Variants in DLGAP1 observed in about 807,000 individuals in gnomAD.
DLGAP1 encodes the protein DLG associated protein 1.
Under a neutral mutation model 90.8 loss-of-function variants are expected in DLGAP1, and 11 were observed. The observed-to-expected ratio is 0.12, with a 90% CI of 0.08 to 0.20. The LOEUF (loss-of-function observed/expected upper bound fraction) is 0.20. DLGAP1 is among the 10% of genes least tolerant of loss of function. The pLI is 1.00. For synonymous variants in DLGAP1, 558 were observed against 540.7 expected, an observed-to-expected ratio of 1.03 and a Z score of -0.44; for missense variants, 1,050 against 1,333.8, an observed-to-expected ratio of 0.79 and a Z score of 3.31.
chr18:4,091,101 G>T (rs974674914), intron 2 of DLGAP1, among the ~76,000 whole-genome samples: 1 of 152,166 alleles, frequency 6.6e-6, no homozygotes, highest in Non-Finnish European at 1.5e-5. Context: ...GTTGGGGTGG[G>T]GGTAGGGAGA....
rs1273478048 is a variant in DLGAP1, at chr18:3,498,009, G to A, written c.*1176C>T. 1 of 152,188 alleles carries A rather than the reference G, an allele frequency of 6.6e-6. No homozygotes were observed. The highest frequency in any genetic ancestry group is 2.4e-5 in the African/African-American group (1 of 41,426). The allele number at this position is 152,188 out of a possible 1,614,324, so 9.4% of individuals were successfully genotyped here. ...TGACACAGGACAGAATCCTATGCTA[G>A]GTATTACTGGACTCTGCAGTAGTGA... On this transcript the variant is annotated 3_prime_UTR_variant, in exon 13 of 13. Coordinates refer to ENST00000315677, the MANE Select transcript of DLGAP1 (RefSeq NM_004746.4).
intron 3 of DLGAP1, among the ~76,000 whole-genome samples, chr18:3,914,290 G>C (rs969350027): frequency 2.6e-5 from 4 of 152,158 alleles, no homozygotes; most frequent in African/African-American, 7.2e-5. Context: ...CCACATCTAA[G>C]TGAGGTCGTG....
rs2055563379 is a variant in DLGAP1, at chr18:3,582,219, T to C, written c.1621A>G (p.Thr541Ala). Residue 541 changes from threonine to alanine, a missense_variant, in exon 8 of 13, where the codon ACA becomes GCA. Physicochemically the swap from Thr to Ala is moderately conservative, Grantham distance 58. Coordinates refer to ENST00000315677, the MANE Select transcript of DLGAP1 (RefSeq NM_004746.4). ...GTTCTGGGTGGGACTGGAGGTGGTG[T>C]CTTCTTATATGTTGTAATGCAAGAT... ...VSSCITTYKKTPPPVPPRTTT... is the reference protein window; with the variant it reads ...VSSCITTYKKAPPPVPPRTTT... The C allele has an allele frequency of 6.2e-7, 1 of 1,613,834 alleles. No homozygotes were observed. The highest frequency in any genetic ancestry group is 1.7e-5 in the Admixed American group (1 of 59,966).
At chr18:3,716,879 A>G (rs927031010) in intron 7 of DLGAP1, among the ~76,000 whole-genome samples, 1 of 151,944 alleles carries the variant, frequency 6.6e-6, no homozygotes, top group African/African-American at 2.4e-5. Context: ...CTTTAATCCC[A>G]GCACTTTGGG....
chr18:4,283,860 C>G (rs1429044171), intron 1 of DLGAP1, among the ~76,000 whole-genome samples: 2 of 152,132 alleles, frequency 1.3e-5, no homozygotes, highest in Non-Finnish European at 2.9e-5. Flanking sequence ...ACAGCTATAT[C>G]CAAACTGGCG....
chr18:3,716,056 T>C (rs917589341), intron 7 of DLGAP1, among the ~76,000 whole-genome samples: 3 of 152,198 alleles, frequency 2.0e-5, no homozygotes, highest in Non-Finnish European at 4.4e-5. Flanking sequence ...GTTATATACT[T>C]AGATAAATAA....
chr18:4,039,138 AT>A (rs770462125), intron 2 of DLGAP1, among the ~76,000 whole-genome samples: 5 of 152,186 alleles, frequency 3.3e-5, no homozygotes, highest in African/African-American at 7.2e-5. Flanking sequence ...TTTTAGAAAT[AT>A]TTTTTTCATA....
intron 3 of DLGAP1, among the ~76,000 whole-genome samples, chr18:3,913,769 C>T (rs1474596554): frequency 6.6e-6 from 1 of 152,194 alleles, no homozygotes; most frequent in Non-Finnish European, 1.5e-5. Context: ...ATGATGTCTT[C>T]TCCCTAATCT....
At chr18:3,745,998 C>T (rs576253320) in intron 5 of DLGAP1, among the ~76,000 whole-genome samples, 2 of 152,062 alleles carry the variant, frequency 1.3e-5, no homozygotes, top group Non-Finnish European at 2.9e-5. Context: ...CTCAGCTATA[C>T]TTTATAGCTG....
At chr18:3,787,164 G>T (rs1347662379) in intron 5 of DLGAP1, among the ~76,000 whole-genome samples, 1 of 152,028 alleles carries the variant, frequency 6.6e-6, no homozygotes, top group African/African-American at 2.4e-5. Flanking sequence ...TAGATTTTTT[G>T]GGCATAGATA....
intron 2 of DLGAP1, among the ~76,000 whole-genome samples, chr18:4,081,405 T>C (rs1458946532): frequency 2.6e-5 from 4 of 152,124 alleles, no homozygotes; most frequent in Non-Finnish European, 5.9e-5. Context: ...AATTTTCTTA[T>C]ACTTCTTACT....
intron 1 of DLGAP1, among the ~76,000 whole-genome samples, chr18:4,375,158 C>T (rs1480417360): frequency 6.6e-6 from 1 of 152,104 alleles, no homozygotes; most frequent in Admixed American, 6.6e-5. Flanking sequence ...GCAATTTTAT[C>T]ACTTTACCAT....
chr18:4,080,516 C>T lies in DLGAP1; in HGVS notation c.-159+70664G>A, dbSNP rs76408331. Among the ~76,000 whole-genome samples, 714 of 152,340 alleles carry T rather than the reference C, an allele frequency of 4.7e-3. 3 individuals carry two copies. The highest frequency in any genetic ancestry group is 0.016 in the African/African-American group (685 of 41,582). ...AAGCTCTCTGTTGGGCAGAGATCTG[C>T]ATCTGTAGAGAATCTGCATTGATGC... On this transcript the variant is annotated intron_variant, in intron 2 of 12. Transcript: ENST00000315677.
In DLGAP1 at chr18:3,565,701, G is replaced by T. The variant is rs2054387796; in HGVS notation, c.2057+1789C>A. 6.6e-6 allele frequency among the ~76,000 whole-genome samples: 1 copy of T among 151,890 alleles called. No individual in the cohort carries two copies. Among genetic ancestry groups the T allele is most frequent in the Admixed American group, 6.6e-5 (1 of 15,244 alleles). ...AATACAAAAATTAGCTGGGCGTGAT[G>T]GTCCGTGCCTGTAGTCCCAGCCACT... On this transcript the variant is annotated intron_variant, in intron 9 of 12. Transcript: ENST00000315677. This position sits in a 1 kb window ranked among gnomAD's most constrained non-coding sequence, Gnocchi z 4.0.
chr18:3,963,842 C>T (rs2075959532), intron 3 of DLGAP1, among the ~76,000 whole-genome samples: 1 of 152,038 alleles, frequency 6.6e-6, no homozygotes, highest in Non-Finnish European at 1.5e-5. Context: ...CCATTGAGCC[C>T]TAGATTTCGA....
At chr18:4,311,951 A>G (rs973266942) in intron 1 of DLGAP1, among the ~76,000 whole-genome samples, 3 of 152,136 alleles carry the variant, frequency 2.0e-5, no homozygotes, top group African/African-American at 7.2e-5. Flanking sequence ...CCTGACCTCA[A>G]GTGATCCGCC....
intron 5 of DLGAP1, among the ~76,000 whole-genome samples, chr18:3,795,075 C>A (rs2065921475): frequency 6.6e-6 from 1 of 152,168 alleles, no homozygotes; most frequent in Admixed American, 6.5e-5. Context: ...GAGTTACTCA[C>A]TTACTTCCAA....
At position 3,742,231 on chromosome 18, in the gene DLGAP1, G is replaced by A. The variant is rs2063085210; in HGVS notation, c.1350+104C>T. On this transcript the variant is annotated intron_variant, in intron 6 of 12. Coordinates refer to ENST00000315677, the MANE Select transcript of DLGAP1 (RefSeq NM_004746.4). ...GGACCTCCTGTCTGATCCATCAATG[G>A]TCTACTGGATGAATGACTGCCTCCC... 1.5e-5 allele frequency: 21 copies of A among 1,364,050 alleles called. No individual in the cohort carries two copies. In the South Asian group the frequency reaches 2.7e-4, roughly 18 times the overall value. The allele number at this position is 1,364,050 out of a possible 1,614,324, so 84.5% of individuals were successfully genotyped here. A position where few individuals can be genotyped will look rare whatever the true frequency, so the allele number is the denominator to read the frequency against.
chr18:3,510,601 T>G (rs185977986), intron 10 of DLGAP1, among the ~76,000 whole-genome samples: 8 of 152,252 alleles, frequency 5.3e-5, no homozygotes, highest in Non-Finnish European at 1.0e-4. Context: ...TATGGAAACC[T>G]CTGAATTATC....
Sources: gnomAD v4.1 joint callset for allele counts (sites outside exome capture counted in the v4.1 genomes callset) on GRCh38, gnomAD v4.1.1 for gene constraint, Gnocchi (gnomAD v3.1) non-coding constraint, MANE v1.5 for transcripts, NCBI Gene and HGNC (gene_info 2026-07-23, HGNC 2026-07-21) for gene names.